Variants in TET3 observed in about 807,000 individuals in gnomAD.
TET3 encodes the protein tet methylcytosine dioxygenase 3.
A neutral mutation model predicts 141.4 loss-of-function variants in TET3; 19 were observed. The observed-to-expected ratio is 0.13, with a 90% CI of 0.09 to 0.20. The LOEUF is 0.20. Ranked by LOEUF, TET3 falls within the 10% of genes least tolerant of loss-of-function variation. TET3 has a pLI of 1.00. For synonymous variants in TET3, 1,043 were observed against 980.9 expected (o/e 1.06, Z -1.18); for missense variants, 1,874 against 2,356.9 (o/e 0.80, Z 4.24).
At chr2:74,115,294 A>G in the TET3 span, among the ~76,000 whole-genome samples, 2 of 152,228 alleles carry the variant, frequency 1.3e-5, no homozygotes, top group African/African-American at 4.8e-5. Flanking sequence ...AAAATGGGCA[A>G]ATGATTATCC....
intron 2 of TET3, among the ~76,000 whole-genome samples, chr2:73,986,999 C>CTT (rs1684061567): frequency 1.3e-5 from 2 of 152,192 alleles, no homozygotes; most frequent in South Asian, 4.1e-4. Flanking sequence ...TGTCCTGCTG[C>CTT]TTGAAGCCTC....
At chr2:74,043,281 G>A (rs1295683103) in intron 3 of TET3, among the ~76,000 whole-genome samples, 3 of 152,164 alleles carry the variant, frequency 2.0e-5, no homozygotes, top group African/African-American at 7.2e-5. Context: ...CCTAGACTTC[G>A]GAAAAGTAGT....
rs192483114 is a variant in TET3 at position 74,106,551 on chromosome 2, C to G, written c.*4375C>G. On this transcript the variant is annotated 3_prime_UTR_variant, in exon 12 of 12. Transcript: ENST00000409262. ...TGGGCAGGGGCTTCATTCTCTGACC[C>G]AGCGTTGCTTCTGCCTCTCATTGGT... 107 of 153,882 alleles carry G rather than the reference C, an allele frequency of 7.0e-4. No homozygotes were observed. Among genetic ancestry groups the G allele is most frequent in the African/African-American group, 2.5e-3 (105 of 41,556 alleles). The allele number at this position is 153,882 out of a possible 1,614,324, so 9.5% of individuals were successfully genotyped here.
At chr2:74,130,139 TCA>T in the TET3 span, among the ~76,000 whole-genome samples, 1 of 151,686 alleles carries the variant, frequency 6.6e-6, no homozygotes, top group South Asian at 2.1e-4. Flanking sequence ...ACACTTGGGT[TCA>T]CAGTTTTGTT....
chr2:74,061,426 C>T (rs1468759482), intron 4 of TET3, among the ~76,000 whole-genome samples: 3 of 148,430 alleles, frequency 2.0e-5, no homozygotes, highest in South Asian at 4.2e-4. Context: ...GGGCTGACCC[C>T]CCCACCTCCC....
At chr2:74,006,319 AAG>A (rs758295989) in intron 3 of TET3, among the ~76,000 whole-genome samples, 1 of 152,242 alleles carries the variant, frequency 6.6e-6, no homozygotes, top group Non-Finnish European at 1.5e-5. Flanking sequence ...GATGGAGAGA[AAG>A]AGGGGGCTTT....
chr2:74,123,194 T>C, the TET3 span: 8 of 152,232 alleles, frequency 5.3e-5, no homozygotes, highest in African/African-American at 1.9e-4. Flanking sequence ...TTTGTCAACA[T>C]TGATTTGGAC....
In TET3 at chr2:74,104,151, T is replaced by C. The variant is rs922905164; in HGVS notation, c.*1975T>C. On this transcript the variant is annotated 3_prime_UTR_variant, in exon 12 of 12. Transcript: ENST00000409262. ...AAACAGCAACTTGAAAAAAAAAGTATGTTTTAACATGTAATTGTGGGAGAA... is the reference window on the plus strand; with the variant it reads ...AAACAGCAACTTGAAAAAAAAAGTACGTTTTAACATGTAATTGTGGGAGAA... The C allele has an allele frequency of 2.6e-5, 4 of 152,858 alleles. No homozygotes were observed. Among genetic ancestry groups the C allele is most frequent in the African/African-American group, 9.7e-5 (4 of 41,444 alleles). The allele number at this position is 152,858 out of a possible 1,614,324, so 9.5% of individuals were successfully genotyped here.
chr2:74,132,860 C>T, the TET3 span, among the ~76,000 whole-genome samples: 2 of 152,002 alleles, frequency 1.3e-5, no homozygotes, highest in African/African-American at 2.4e-5. Context: ...GGACCCGTGT[C>T]CTTTCTGCAA....
Position 74,047,681 on chromosome 2 carries a change from T to C in TET3, c.1764T>C (p.Gly588=). Residue 588 remains glycine (G), a synonymous_variant, in exon 4 of 12, where the codon GGT becomes GGC. Coordinates refer to ENST00000409262, the MANE Select transcript of TET3 (RefSeq NM_001287491.2). ...AGAAGCTCCCAACACCAGCTGGAGG[T>C]CCCGTGGGAACGGAGAAAGCTGCCC... ...KKKKLPTPAG[G]PVGTEKAAPG... is the part of the protein sequence containing the mutation. The C allele has an allele frequency of 6.2e-7, 1 of 1,612,960 alleles. No homozygotes were observed.
the TET3 span, chr2:74,122,914 G>C: frequency 6.6e-6 from 1 of 151,650 alleles, no homozygotes; most frequent in East Asian, 1.9e-4. Flanking sequence ...GGCTGGCCTT[G>C]AACTCCTGGG....
In TET3 at chr2:73,986,486, G is replaced by A. The variant is rs1684032510; in HGVS notation, c.83G>A (p.Gly28Glu). 1 of 1,232,062 alleles carries A rather than the reference G, an allele frequency of 8.1e-7. No individual in the cohort carries two copies. The highest frequency in any genetic ancestry group is 1.6e-5 in the African/African-American group (1 of 64,400). The allele number at this position is 1,232,062 out of a possible 1,614,324, so 76.3% of individuals were successfully genotyped here. Residue 28 changes from glycine to glutamate, a missense_variant, in exon 2 of 12, where the codon GGG (glycine) becomes GAG (glutamate). By Grantham distance (98) the Gly-to-Glu change is moderately conservative. Transcript: ENST00000409262. ...TTCCCTCAGCGCCAGGTGATGGTAG[G>A]GAGCTTCCCGGGGTCTGGGCTCTCC... ...YDFPQRQVMV[G>E]SFPGSGLSMA... is the part of the protein sequence containing the mutation.
chr2:74,002,557 G>C (rs1055785947), intron 2 of TET3, among the ~76,000 whole-genome samples: 2 of 152,110 alleles, frequency 1.3e-5, no homozygotes, highest in Admixed American at 6.5e-5. Flanking sequence ...AGCCAGCGCG[G>C]CTCAGCAGCA....
chr2:73,990,956 G>T (rs1215364825), intron 2 of TET3, among the ~76,000 whole-genome samples: 2 of 152,150 alleles, frequency 1.3e-5, no homozygotes, highest in African/African-American at 4.8e-5. Flanking sequence ...AAGCCTGAAA[G>T]AAGGTTGGAC....
downstream of TET3, among the ~76,000 whole-genome samples, chr2:74,110,271 G>A (rs1378005446): frequency 6.6e-6 from 1 of 152,044 alleles, no homozygotes; most frequent in African/African-American, 2.4e-5. Flanking sequence ...TAAATGAACT[G>A]TTTAACCCAC....
At chr2:74,099,233 G>T in intron 10 of TET3, 43 bp from the exon 11 acceptor site, 1 of 1,510,210 alleles carries the variant, frequency 6.6e-7, no homozygotes, top group Non-Finnish European at 8.9e-7. Flanking sequence ...CCAGCACTCG[G>T]TCCCCCAACC....
chr2:74,013,338 CAT>C (rs1371318026), intron 3 of TET3, among the ~76,000 whole-genome samples: 1 of 151,956 alleles, frequency 6.6e-6, no homozygotes, highest in East Asian at 1.9e-4. Flanking sequence ...GATTTATTAA[CAT>C]AGGAGTTTTG....
intron 3 of TET3, among the ~76,000 whole-genome samples, chr2:74,012,510 A>G (rs1040260687): frequency 6.6e-6 from 1 of 152,102 alleles, no homozygotes; most frequent in Non-Finnish European, 1.5e-5. Flanking sequence ...TAGCAGCCCC[A>G]CCTTTCAGAA....
intron 2 of TET3, among the ~76,000 whole-genome samples, chr2:73,988,302 C>T (rs986947676): frequency 2.3e-4 from 35 of 152,086 alleles, no homozygotes; most frequent in African/African-American, 8.0e-4. Context: ...GATTCCTTTG[C>T]GCCTTTCCTT....
Sources: gnomAD v4.1 joint callset for allele counts (sites outside exome capture counted in the v4.1 genomes callset) on GRCh38, gnomAD v4.1.1 for gene constraint, MANE v1.5 for transcripts, NCBI Gene and HGNC (gene_info 2026-07-23, HGNC 2026-07-21) for gene names.